CPNE8: variants seen among roughly 807,000 people sequenced by gnomAD.
CPNE8 encodes the protein copine-8.
A neutral mutation model predicts 81.5 loss-of-function variants in CPNE8; 45 were observed. That is an observed-to-expected ratio of 0.55 (90% confidence interval 0.44 to 0.71). The LOEUF (loss-of-function observed/expected upper bound fraction) is 0.71. Among genes scored for constraint, CPNE8 ranks in the 30% least tolerant of loss-of-function variants. CPNE8 has a pLI of 0.00. For synonymous variants in CPNE8, 252 were observed against 226.3 expected (o/e 1.11, Z -1.02); for missense variants, 594 against 672.1 (o/e 0.88, Z 1.28).
At chr12:38,744,143 T>G (rs1431498670) in intron 10 of CPNE8, among the ~76,000 whole-genome samples, 1 of 152,170 alleles carries the variant, frequency 6.6e-6, no homozygotes, top group African/African-American at 2.4e-5. Flanking sequence ...GGTTTTCACA[T>G]AAAGGGAACC....
chr12:38,897,071 A>G (rs1944398542), intron 1 of CPNE8, among the ~76,000 whole-genome samples: 1 of 152,158 alleles, frequency 6.6e-6, no homozygotes, highest in Admixed American at 6.6e-5. Flanking sequence ...AAGTTGAAAC[A>G]GGTTACCCAA....
chr12:38,830,010 C>A (rs552101939), intron 5 of CPNE8, among the ~76,000 whole-genome samples: 1 of 152,178 alleles, frequency 6.6e-6, no homozygotes, highest in Non-Finnish European at 1.5e-5. Flanking sequence ...TACCTCCTCA[C>A]AAAATTGTTC....
chr12:38,904,897 A>G (rs1592168447), intron 1 of CPNE8, among the ~76,000 whole-genome samples: 1 of 152,110 alleles, frequency 6.6e-6, no homozygotes, highest in Admixed American at 6.5e-5. Context: ...CGAAATCTCT[A>G]CCTATCAGGC....
At position 38,721,860 on chromosome 12, in the gene CPNE8, G is replaced by A. The variant is rs544980859; in HGVS notation, c.914+1912C>T. Among the ~76,000 whole-genome samples the A allele has an allele frequency of 3.9e-5, 6 of 152,306 alleles. No individual in the cohort carries two copies. In the South Asian group the frequency reaches 8.3e-4, roughly 21 times the overall value. On this transcript the variant is annotated intron_variant, in intron 13 of 19. Coordinates refer to ENST00000331366, the MANE Select transcript of CPNE8 (RefSeq NM_153634.3). ...GCGTCTGGTCCAGCCATAGCCTTGC[G>A]GAGAGCTGGTACCTATGCCAGCACC...
chr12:38,668,173 G>A (rs895836966), intron 19 of CPNE8, among the ~76,000 whole-genome samples: 1 of 152,158 alleles, frequency 6.6e-6, no homozygotes, highest in African/African-American at 2.4e-5. Context: ...AAGTAACAAA[G>A]TATTTTATGT....
At position 38,759,245 on chromosome 12, in the gene CPNE8, G is replaced by A. The variant is rs546952769; in HGVS notation, c.722+1602C>T. On this transcript the variant is annotated intron_variant, in intron 10 of 19. Coordinates refer to ENST00000331366, the MANE Select transcript of CPNE8 (RefSeq NM_153634.3). Reference sequence around the variant, plus strand: ...AGCTGCACTTTTTGTTTCTAAATGGGAAATGGGTTAAAAATTACTAGGGAA... The same window carrying A: ...AGCTGCACTTTTTGTTTCTAAATGGAAAATGGGTTAAAAATTACTAGGGAA... Among the ~76,000 whole-genome samples, 7 of 152,260 alleles carry A rather than the reference G, an allele frequency of 4.6e-5. No homozygotes were observed. The South Asian group carries it at 6.2e-4, about 14-fold the overall frequency.
chr12:38,741,283 A>T (rs1461763925), intron 10 of CPNE8, among the ~76,000 whole-genome samples: 4 of 152,164 alleles, frequency 2.6e-5, no homozygotes, highest in Admixed American at 6.5e-5. Flanking sequence ...TTCAAACTAT[A>T]CTACAAGGCT....
chr12:38,732,045 G>A (rs919380963), intron 10 of CPNE8, among the ~76,000 whole-genome samples: 1 of 151,676 alleles, frequency 6.6e-6, no homozygotes, highest in Admixed American at 6.6e-5. Flanking sequence ...CTTTGATATC[G>A]ATAGTTGTAG....
intron 2 of CPNE8, 94 bp from the exon 3 acceptor site, chr12:38,873,144 C>T (rs1944016977): frequency 2.7e-6 from 2 of 749,152 alleles, no homozygotes; most frequent in Admixed American, 5.8e-5. Context: ...TCAAAAGCTA[C>T]ATCAAAATTA....
chr12:38,738,873 G>T (rs1231621408), intron 10 of CPNE8, among the ~76,000 whole-genome samples: 1 of 148,382 alleles, frequency 6.7e-6, no homozygotes, highest in Non-Finnish European at 1.5e-5. Context: ...GAATGCAGTG[G>T]CATGATCTTG....
chr12:38,789,788 A>C (rs577740617), intron 6 of CPNE8, among the ~76,000 whole-genome samples: 1 of 151,924 alleles, frequency 6.6e-6, no homozygotes, highest in African/African-American at 2.4e-5. Flanking sequence ...AATGGGCAAA[A>C]GATCTGAATC....
chr12:38,808,880 T>A (rs1160970835), intron 6 of CPNE8, among the ~76,000 whole-genome samples: 2 of 152,028 alleles, frequency 1.3e-5, no homozygotes, highest in African/African-American at 4.8e-5. Flanking sequence ...TAGAATATGA[T>A]AAACAAGCAA....
chr12:38,905,816 G>A (rs1377453934), upstream of CPNE8: 40 of 985,232 alleles, frequency 4.1e-5, no homozygotes, highest in Non-Finnish European at 4.8e-5. Context: ...CCCGGGCGGG[G>A]GACACACTCC....
rs1269529441 is a variant in CPNE8, at chr12:38,730,445, A to G, written c.723-87T>C. ...AAGTTTTTAGAAAGGTTTAATCATT[A>G]TCAAAAAAATGCTTGATATTATTAT... On this transcript the variant is annotated intron_variant, in intron 10 of 19. Coordinates refer to ENST00000331366, the MANE Select transcript of CPNE8 (RefSeq NM_153634.3). The G allele has an allele frequency of 9.4e-6, 6 of 640,020 alleles. No individual in the cohort carries two copies. In the East Asian group the frequency reaches 1.7e-4, roughly 18 times the overall value. 39.6% of individuals were successfully genotyped at this position (640,020 alleles called of 1,614,324 possible).
chr12:38,760,413 C>A (rs1259903372), intron 10 of CPNE8, among the ~76,000 whole-genome samples: 1 of 125,400 alleles, frequency 8.0e-6, no homozygotes, highest in Non-Finnish European at 1.6e-5. Context: ...AGACACAATT[C>A]TCGAGTTTTG....
intron 10 of CPNE8, among the ~76,000 whole-genome samples, chr12:38,734,839 G>T (rs891858907): frequency 1.3e-5 from 2 of 152,016 alleles, no homozygotes; most frequent in African/African-American, 4.8e-5. Context: ...AAATTAATTT[G>T]TAAAGAAGTA....
chr12:38,899,315 C>A (rs1025826140), intron 1 of CPNE8, among the ~76,000 whole-genome samples: 1 of 152,006 alleles, frequency 6.6e-6, no homozygotes, highest in Non-Finnish European at 1.5e-5. Context: ...AAAAGGAACC[C>A]CAGAGAGCTC....
In CPNE8 at chr12:38,735,608, A is replaced by G. The variant is rs570512048; in HGVS notation, c.723-5250T>C. The stretch of plus-strand genomic sequence containing the variant: ...GATTTCTTATACGATAACATCAACA[A>G]CCTTCACTGATTCTTACAGAAAGTA... On this transcript the variant is annotated intron_variant, in intron 10 of 19. Coordinates refer to ENST00000331366, the MANE Select transcript of CPNE8 (RefSeq NM_153634.3). Among the ~76,000 whole-genome samples, 62 of 152,182 alleles carry G rather than the reference A, an allele frequency of 4.1e-4. No individual in the cohort carries two copies. The South Asian group carries it at 0.012, about 31-fold the overall frequency.
rs115581443 is a variant in CPNE8 at position 38,763,930 on chromosome 12, T to C, written c.576-1714A>G. Among the ~76,000 whole-genome samples, 741 of 152,008 alleles carry C rather than the reference T, an allele frequency of 4.9e-3. 4 individuals are homozygous for C. The highest frequency in any genetic ancestry group is 0.017 in the African/African-American group (691 of 41,450). On this transcript the variant is annotated intron_variant, in intron 8 of 19. Coordinates refer to ENST00000331366, the MANE Select transcript of CPNE8 (RefSeq NM_153634.3). Reference sequence around the variant, plus strand: ...TCAAGTTCATTTTCCTACTCTCAAATAAGAGGGATTTGTTTCTATTAAGAG... The same window carrying C: ...TCAAGTTCATTTTCCTACTCTCAAACAAGAGGGATTTGTTTCTATTAAGAG...
Sources: allele counts gnomAD v4.1 joint callset (sites outside exome capture counted in the v4.1 genomes callset), GRCh38; gene constraint gnomAD v4.1.1; transcripts MANE v1.5; gene names NCBI Gene and HGNC (gene_info 2026-07-23, HGNC 2026-07-21).